Variants in HMBOX1 observed in about 807,000 individuals in gnomAD.
The protein encoded by HMBOX1 is homeobox containing 1, also known as homeobox-containing protein 1.
In HMBOX1, 14 loss-of-function variants were observed where a neutral mutation model predicts 54.5. That is an observed-to-expected ratio of 0.26 (90% confidence interval 0.17 to 0.40). HMBOX1 has a LOEUF of 0.40. Among genes scored for constraint, HMBOX1 ranks in the 10% least tolerant of loss-of-function variants. The pLI is 1.00. For missense variants in HMBOX1, 332 were observed against 514.4 expected, an observed-to-expected ratio of 0.65 and a Z score of 3.43; for synonymous variants, 160 against 181.0, an observed-to-expected ratio of 0.88 and a Z score of 0.93.
intron 1 of HMBOX1, among the ~76,000 whole-genome samples, chr8:28,951,507 C>T (rs528673411): frequency 6.6e-6 from 1 of 152,202 alleles, no homozygotes; most frequent in Admixed American, 6.5e-5. Flanking sequence ...GCAATGCCTG[C>T]TTAGAGGAAA....
At position 28,906,776 on chromosome 8, in the gene HMBOX1, A is replaced by C. The variant is rs1211188971; in HGVS notation, c.-58+16098A>C. ...AGCTAATTTTTTGTATTTTTAGTAG[A>C]GACGGGGTTTCACCATATTGAACCA... On this transcript the variant is annotated intron_variant, in intron 1 of 9. Transcript: ENST00000287701. Among the ~76,000 whole-genome samples, 4 of 152,166 alleles carry C rather than the reference A, an allele frequency of 2.6e-5. No individual in the cohort carries two copies. The East Asian group carries it at 7.7e-4, about 29-fold the overall frequency.
chr8:29,045,044 G>A (rs1166208335), intron 6 of HMBOX1, among the ~76,000 whole-genome samples: 2 of 152,196 alleles, frequency 1.3e-5, no homozygotes, highest in Non-Finnish European at 2.9e-5. Flanking sequence ...ACAGCAGTAT[G>A]TAGACCTGTT....
At chr8:28,989,571 TTATGTC>T in intron 4 of HMBOX1, among the ~76,000 whole-genome samples, 1 of 152,334 alleles carries the variant, frequency 6.6e-6, no homozygotes, top group African/African-American at 2.4e-5. Flanking sequence ...CTGTCAGTCT[TTATGTC>T]TATCCTTATA....
At chr8:28,890,319 C>T (rs533260669), upstream of HMBOX1, 5 of 172,962 alleles carry the variant, frequency 2.9e-5, no homozygotes, top group South Asian at 5.7e-4. Flanking sequence ...AGGCGCCGGG[C>T]TCCGCAATTT....
intron 6 of HMBOX1, among the ~76,000 whole-genome samples, chr8:29,035,002 T>A (rs1243529994): frequency 6.6e-6 from 1 of 152,126 alleles, no homozygotes; most frequent in Non-Finnish European, 1.5e-5. Flanking sequence ...TAAGTACCCA[T>A]GTGTACAAAG....
At chr8:28,913,291 C>T (rs898213421) in intron 1 of HMBOX1, among the ~76,000 whole-genome samples, 2 of 152,222 alleles carry the variant, frequency 1.3e-5, no homozygotes, top group Admixed American at 1.3e-4. Context: ...TTTGCACTCA[C>T]TTATCTCTAA....
At chr8:28,973,877 C>T (rs1827942437) in intron 3 of HMBOX1, among the ~76,000 whole-genome samples, 1 of 129,232 alleles carries the variant, frequency 7.7e-6, no homozygotes, top group Non-Finnish European at 1.5e-5. Context: ...TACAGTGGTG[C>T]AATCTTGGCT....
intron 1 of HMBOX1, among the ~76,000 whole-genome samples, chr8:28,905,900 T>C (rs1271843857): frequency 1.3e-5 from 2 of 152,246 alleles, no homozygotes; most frequent in African/African-American, 4.8e-5. Flanking sequence ...ACTAAAGACT[T>C]GATTCTAACA....
At chr8:28,934,607 T>C (rs1820055673) in intron 1 of HMBOX1, among the ~76,000 whole-genome samples, 1 of 152,194 alleles carries the variant, frequency 6.6e-6, no homozygotes, top group African/African-American at 2.4e-5. Context: ...GTTAGTTTAG[T>C]AAAGTCACAG....
intron 6 of HMBOX1, among the ~76,000 whole-genome samples, chr8:29,022,630 C>T (rs772681154): frequency 2.0e-5 from 3 of 152,040 alleles, no homozygotes; most frequent in Non-Finnish European, 2.9e-5. Context: ...ATACAGTGAT[C>T]TCCAGGATAT....
intron 5 of HMBOX1, among the ~76,000 whole-genome samples, chr8:29,018,334 T>C (rs967183956): frequency 6.6e-6 from 1 of 152,156 alleles, no homozygotes; most frequent in Non-Finnish European, 1.5e-5. Flanking sequence ...AATTTTATTA[T>C]GTTCAGGAGG....
intron 1 of HMBOX1, among the ~76,000 whole-genome samples, chr8:28,920,899 A>G (rs1199570046): frequency 2.0e-5 from 3 of 152,260 alleles, no homozygotes; most frequent in South Asian, 2.1e-4. Flanking sequence ...AAAGAATAAC[A>G]TACTCTAACA....
intron 1 of HMBOX1, among the ~76,000 whole-genome samples, chr8:28,963,053 C>T (rs760376714): frequency 7.2e-5 from 11 of 152,082 alleles, no homozygotes; most frequent in South Asian, 2.1e-4. Context: ...GGTGCGATCT[C>T]GGTTCACTGC....
At chr8:29,033,212 G>C (rs1803286911) in intron 6 of HMBOX1, among the ~76,000 whole-genome samples, 1 of 152,116 alleles carries the variant, frequency 6.6e-6, no homozygotes, top group East Asian at 1.9e-4. Context: ...TGTCATTGCT[G>C]TTCTAAGAGA....
intron 2 of HMBOX1, among the ~76,000 whole-genome samples, chr8:28,966,715 A>G (rs1289504760): frequency 6.6e-6 from 1 of 152,220 alleles, no homozygotes; most frequent in Non-Finnish European, 1.5e-5. Flanking sequence ...TTTTCTCAGT[A>G]AAATATTGTA....
chr8:28,936,397 A>C (rs1221037496), intron 1 of HMBOX1, among the ~76,000 whole-genome samples: 1 of 151,992 alleles, frequency 6.6e-6, no homozygotes, highest in African/African-American at 2.4e-5. Context: ...GAAGTAATAT[A>C]ACATTATAAA....
At chr8:28,941,611 G>A (rs1271265909) in intron 1 of HMBOX1, among the ~76,000 whole-genome samples, 2 of 152,138 alleles carry the variant, frequency 1.3e-5, no homozygotes, top group East Asian at 3.9e-4. Flanking sequence ...AGTAGGTACT[G>A]CATAACTAAG....
chr8:29,033,510 G>A (rs1224032044), intron 6 of HMBOX1, among the ~76,000 whole-genome samples: 2 of 152,162 alleles, frequency 1.3e-5, no homozygotes, highest in African/African-American at 4.8e-5. Context: ...CTCATAGCCA[G>A]TAAGAAGATG....
In HMBOX1 at chr8:29,053,003, A is replaced by G. The variant is rs1371067232; in HGVS notation, c.*1848A>G. On this transcript the variant is annotated 3_prime_UTR_variant, in exon 10 of 10. Transcript: ENST00000287701. The stretch of plus-strand genomic sequence containing the variant: ...AGAGAGAGACTGAATGACCTTCCTC[A>G]GTTTTCCCTTTCTCATTCAGGAGAT... 1.3e-5 allele frequency: 2 copies of G among 152,420 alleles called. No homozygotes were observed. The highest frequency in any genetic ancestry group is 2.9e-5 in the Non-Finnish European group (2 of 68,046). 9.4% of individuals were successfully genotyped at this position (152,420 alleles called of 1,614,324 possible). A position where few individuals can be genotyped will look rare whatever the true frequency, so the allele number is the denominator to read the frequency against.
Sources: allele counts gnomAD v4.1 joint callset (sites outside exome capture counted in the v4.1 genomes callset), GRCh38; gene constraint gnomAD v4.1.1; transcripts MANE v1.5; gene names NCBI Gene and HGNC (gene_info 2026-07-23, HGNC 2026-07-21).